The following DNAH1 variants were observed in gnomAD, a reference collection of about 807,000 sequenced individuals.
The protein encoded by DNAH1 is axonemal beta dynein heavy chain 1.
A neutral mutation model predicts 484.3 loss-of-function variants in DNAH1; 327 were observed. That is an observed-to-expected ratio of 0.68 (90% CI 0.62 to 0.74). DNAH1 has a LOEUF of 0.74. Ranked by LOEUF, DNAH1 falls within the 30% of genes least tolerant of loss-of-function variation. The pLI is 0.00. For synonymous variants in DNAH1, 2,192 were observed against 2,191.9 expected (o/e 1.00, Z 0.00); for missense variants, 5,052 against 5,546.8 (o/e 0.91, Z 2.83).
Position 52,333,789 on chromosome 3 carries a change from A to G in DNAH1, c.1286+1395A>G, listed in dbSNP as rs144352714. The stretch of plus-strand genomic sequence containing the variant: ...AATGTTTTTTTTTCATTTTCAGTAC[A>G]GTATTCAATACATTTCAAGAGATTT... On this transcript the variant is annotated intron_variant, in intron 8 of 77. Coordinates refer to ENST00000420323, the MANE Select transcript of DNAH1 (RefSeq NM_015512.5). Among the ~76,000 whole-genome samples, 362 of 152,312 alleles carry G rather than the reference A, an allele frequency of 2.4e-3. 1 individual carries two copies. The highest frequency in any genetic ancestry group is 6.8e-3 in the Middle Eastern group (2 of 294).
intron 8 of DNAH1, among the ~76,000 whole-genome samples, chr3:52,341,619 G>T (rs959353724): frequency 6.7e-6 from 1 of 149,836 alleles, no homozygotes; most frequent in Non-Finnish European, 1.5e-5. Context: ...TCACTGCAAA[G>T]GGCTTGACTT....
Position 52,353,659 on chromosome 3 carries a change from C to G in DNAH1, c.3480+26C>G, listed in dbSNP as rs1308797966. 1.9e-6 allele frequency: 3 copies of G among 1,563,164 alleles called. No homozygotes were observed. The highest frequency in any genetic ancestry group is 1.7e-6 in the Non-Finnish European group (2 of 1,155,804). On this transcript the variant is annotated intron_variant, in intron 20 of 77. Coordinates refer to ENST00000420323, the MANE Select transcript of DNAH1 (RefSeq NM_015512.5). The surrounding 1 kb of genome is among the most constrained non-coding windows in gnomAD (Gnocchi z 5.0). ...GTGGGTAGCCACCAGCGGGCCCAGC[C>G]ACTCCAGCCAGGCCCTGCCGGACAG...
intron 60 of DNAH1, 145 bp from the exon 61 acceptor site, chr3:52,390,790 A>G: frequency 2.4e-6 from 3 of 1,273,028 alleles, no homozygotes; most frequent in Non-Finnish European, 3.2e-6. Flanking sequence ...CATTGCCTAC[A>G]TTGTCACCTG....
chr3:52,383,423 T>G lies in DNAH1; in HGVS notation c.7979T>G (p.Val2660Gly). 6.2e-7 allele frequency: 1 copy of G among 1,613,930 alleles called. No homozygotes were observed. Among genetic ancestry groups the G allele is most frequent in the Non-Finnish European group, 8.5e-7 (1 of 1,179,852 alleles). The change falls in exon 51 of 78, where the codon GTC (valine) becomes GGC (glycine). Residue 2660 changes from valine to glycine, a missense_variant. This residue lies in a region of DNAH1 where 2,929 missense variants were observed against 3,409.4 expected (regional missense o/e 0.86). Coordinates refer to ENST00000420323, the MANE Select transcript of DNAH1 (RefSeq NM_015512.5). ...NESFLEDINN[V>G]LNSGDIPNLY... Reference sequence around the variant, plus strand: ...TCCTTCCTGGAAGATATCAACAACGTCCTAAACTCTGGTGACATTCCCAAT... The same window carrying G: ...TCCTTCCTGGAAGATATCAACAACGGCCTAAACTCTGGTGACATTCCCAAT...
Position 52,395,161 on chromosome 3 carries a change from ACC to A in DNAH1, c.10968+105_10968+106del. The A allele has an allele frequency of 6.6e-7, 1 of 1,504,494 alleles. No homozygotes were observed. The highest frequency in any genetic ancestry group is 1.3e-5 in the South Asian group (1 of 76,668). 93.2% of individuals were successfully genotyped at this position (1,504,494 alleles called of 1,614,324 possible). A position where few individuals can be genotyped will look rare whatever the true frequency, so the allele number is the denominator to read the frequency against. ...GGATAGACTACTTGGCCAGGCCAGG[ACC>A]CCTGCTTGCTCCCTAAAGGCTCTGA... On this transcript the variant is annotated intron_variant, in intron 68 of 77. Transcript: ENST00000420323. The surrounding 1 kb of genome is among the most constrained non-coding windows in gnomAD (Gnocchi z 4.4).
chr3:52,324,975 C>T (rs1701283280), intron 3 of DNAH1, among the ~76,000 whole-genome samples: 1 of 152,096 alleles, frequency 6.6e-6, no homozygotes, highest in Non-Finnish European at 1.5e-5. Context: ...GTCTGGAGGC[C>T]AGGCATGGGT....
At position 52,326,175 on chromosome 3, in the gene DNAH1, C is replaced by T. The variant is rs1438410477; in HGVS notation, c.442C>T (p.Arg148Cys). 1.7e-5 allele frequency: 27 copies of T among 1,611,954 alleles called. No individual in the cohort carries two copies. The Middle Eastern group carries it at 6.6e-4, about 39-fold the overall frequency. ...SFEVPEDFQE[R>C]MEQQCIGSTT... is the part of the protein sequence containing the mutation. ...TGAGGTTCCTGAAGACTTCCAGGAGCGCATGGAGCAGCAGTGCATCGGGTC... is the reference window on the plus strand; with the variant it reads ...TGAGGTTCCTGAAGACTTCCAGGAGTGCATGGAGCAGCAGTGCATCGGGTC... Residue 148 changes from arginine to cysteine, a missense_variant, in exon 4 of 78, where the codon CGC (arginine) becomes TGC (cysteine). By Grantham distance (180) the Arg-to-Cys change is radical. Transcript: ENST00000420323.
At chr3:52,370,360 A>G (rs1703281568) in intron 39 of DNAH1, 117 bp from the exon 40 acceptor site, 3 of 1,548,328 alleles carry the variant, frequency 1.9e-6, no homozygotes, top group African/African-American at 1.4e-5. Context: ...CACCTGTCCA[A>G]TTGGCTGTAG....
Position 52,381,414 on chromosome 3 carries a change from A to G in DNAH1, c.7609-226A>G, listed in dbSNP as rs561422573. ...AGGCGTGAGCCACCGCGCTAGGCCA[A>G]TCCCTCAGTGTTTTGAGCAACAATC... On this transcript the variant is annotated intron_variant, in intron 48 of 77. Coordinates refer to ENST00000420323, the MANE Select transcript of DNAH1 (RefSeq NM_015512.5). This position sits in a 1 kb window ranked among gnomAD's most constrained non-coding sequence, Gnocchi z 4.1. 5.9e-5 allele frequency among the ~76,000 whole-genome samples: 9 copies of G among 152,246 alleles called. No individual in the cohort carries two copies. The highest frequency in any genetic ancestry group is 1.9e-4 in the African/African-American group (8 of 41,546).
intron 44 of DNAH1, chr3:52,373,927 A>T: frequency 7.5e-7 from 1 of 1,335,242 alleles, no homozygotes; most frequent in Non-Finnish European, 1.1e-6. Flanking sequence ...TCAGAGGAAG[A>T]TGAACCAACG....
Position 52,370,640 on chromosome 3 carries a change from G to C in DNAH1, c.6417+5G>C. On this transcript the variant is annotated splice_donor_5th_base_variant and intron_variant, in intron 40 of 77. Transcript: ENST00000420323. ...CTCAAGATGGAGAACGAACAGGTGA[G>C]AGCCGGCGGCCCCCAGGGACCAGGA... 6.2e-7 allele frequency: 1 copy of C among 1,607,988 alleles called. No homozygotes were observed. Among genetic ancestry groups the C allele is most frequent in the South Asian group, 1.1e-5 (1 of 89,964 alleles).
At position 52,366,748 on chromosome 3, in the gene DNAH1, G is replaced by C. The variant is rs750395535; in HGVS notation, c.5626G>C (p.Ala1876Pro). Residue 1876 changes from alanine to proline, a missense_variant, in exon 36 of 78, where the codon GCA becomes CCA. Physicochemically the swap from Ala to Pro is conservative, Grantham distance 27. Coordinates refer to ENST00000420323, the MANE Select transcript of DNAH1 (RefSeq NM_015512.5). Reference sequence around the variant, plus strand: ...CGTCTCCCAGTGTTACAGAGTCCTGGCAGCTGCCATGACGTCACTGAAAGG... The same window carrying C: ...CGTCTCCCAGTGTTACAGAGTCCTGCCAGCTGCCATGACGTCACTGAAAGG... ...SGKSTCYRVL[A>P]AAMTSLKGQP... The C allele has an allele frequency of 4.3e-6, 7 of 1,612,628 alleles. No individual in the cohort carries two copies. The East Asian group carries it at 1.3e-4, about 31-fold the overall frequency.
intron 6 of DNAH1, among the ~76,000 whole-genome samples, chr3:52,330,421 C>T (rs1382216284): frequency 6.6e-6 from 1 of 152,188 alleles, no homozygotes; most frequent in East Asian, 1.9e-4. Flanking sequence ...ACAGAGGCTT[C>T]TCCTTGGAGA....
chr3:52,327,652 C>G (rs1202016013), intron 5 of DNAH1, among the ~76,000 whole-genome samples: 2 of 152,128 alleles, frequency 1.3e-5, no homozygotes, highest in Non-Finnish European at 2.9e-5. Flanking sequence ...AGGGTTTCAC[C>G]CAACCAGATG....
At chr3:52,311,106 G>GA in the DNAH1 span, among the ~76,000 whole-genome samples, 5 of 152,344 alleles carry the variant, frequency 3.3e-5, no homozygotes, top group African/African-American at 1.2e-4. Flanking sequence ...GGTGGGGCCT[G>GA]AGGGAGGATG....
At position 52,353,018 on chromosome 3, in the gene DNAH1, A is replaced by G. The variant is rs1702458113; in HGVS notation, c.3028-85A>G. 1.5e-6 allele frequency: 2 copies of G among 1,351,564 alleles called. No homozygotes were observed. The highest frequency in any genetic ancestry group is 2.0e-6 in the Non-Finnish European group (2 of 991,078). 83.7% of individuals were successfully genotyped at this position (1,351,564 alleles called of 1,614,324 possible). A position where few individuals can be genotyped will look rare whatever the true frequency, so the allele number is the denominator to read the frequency against. On this transcript the variant is annotated intron_variant, in intron 18 of 77. Coordinates refer to ENST00000420323, the MANE Select transcript of DNAH1 (RefSeq NM_015512.5). This position sits in a 1 kb window ranked among gnomAD's most constrained non-coding sequence, Gnocchi z 5.0. The stretch of plus-strand genomic sequence containing the variant: ...TCAGCCAGGAGCAAGGGAGAGGGAG[A>G]GGACCTGGCCCAAGAAGGGGCAACA...
chr3:52,355,920 A>G lies in DNAH1; in HGVS notation c.3694-694A>G, dbSNP rs1702590446. On this transcript the variant is annotated intron_variant, in intron 21 of 77. Transcript: ENST00000420323. The surrounding 1 kb of genome is among the most constrained non-coding windows in gnomAD (Gnocchi z 4.5). Reference sequence around the variant, plus strand: ...CATGCCGGGCCCATGATTCAGGGGCAGAACTGGCCCCTTAGTGGGCTGTGG... The same window carrying G: ...CATGCCGGGCCCATGATTCAGGGGCGGAACTGGCCCCTTAGTGGGCTGTGG... Among the ~76,000 whole-genome samples, 2 of 152,232 alleles carry G rather than the reference A, an allele frequency of 1.3e-5. No individual in the cohort carries two copies. The highest frequency in any genetic ancestry group is 4.8e-5 in the African/African-American group (2 of 41,470).
intron 77 of DNAH1, 105 bp downstream of exon 77, chr3:52,399,884 AAC>A: frequency 2.4e-6 from 3 of 1,248,126 alleles, no homozygotes; most frequent in South Asian, 1.4e-5. Context: ...AAGGAAGGAC[AAC>A]AGAGATTTGG....
At chr3:52,349,540 C>T (rs1231152496) in intron 14 of DNAH1, 120 bp downstream of exon 14, 11 of 956,028 alleles carry the variant, frequency 1.2e-5, no homozygotes. Flanking sequence ...TGTGGATGCC[C>T]AGGCCAAGGG....
Sources: gnomAD v4.1 joint callset for allele counts (sites outside exome capture counted in the v4.1 genomes callset) on GRCh38, gnomAD v4.1.1 for gene constraint, gnomAD v4.1.1 regional missense constraint, Gnocchi (gnomAD v3.1) non-coding constraint, MANE v1.5 for transcripts, NCBI Gene and HGNC (gene_info 2026-07-23, HGNC 2026-07-21) for gene names.